The following PCSK6 variants were observed in gnomAD, a reference collection of about 807,000 sequenced individuals.
PCSK6 encodes paired basic amino acid cleaving enzyme 4.
A neutral mutation model predicts 123.3 loss-of-function variants in PCSK6; 85 were observed. That is an observed-to-expected ratio of 0.69 (90% CI 0.58 to 0.83). The LOEUF is 0.83. PCSK6 is among the 40% of genes least tolerant of loss of function. The pLI, the probability that PCSK6 is intolerant of heterozygous loss-of-function variation, is 0.00. For synonymous variants in PCSK6, 508 were observed against 516.0 expected (o/e 0.98, Z 0.21); for missense variants, 1,191 against 1,282.3 (o/e 0.93, Z 1.09).
At chr15:101,408,609 GA>G (rs2042847426) in intron 6 of PCSK6, among the ~76,000 whole-genome samples, 1 of 152,206 alleles carries the variant, frequency 6.6e-6, no homozygotes, top group African/African-American at 2.4e-5. Flanking sequence ...GAGGGACGAG[GA>G]AGTGGGGAAC....
intron 1 of PCSK6, among the ~76,000 whole-genome samples, chr15:101,480,308 A>G (rs2057842281): frequency 6.6e-6 from 1 of 152,254 alleles, no homozygotes; most frequent in Admixed American, 6.5e-5. Context: ...CCAATTCAGT[A>G]AATGGGTCCA....
At chr15:101,308,237 G>C (rs1023788489) in intron 20 of PCSK6, 1 of 152,376 alleles carries the variant, frequency 6.6e-6, no homozygotes, top group East Asian at 1.9e-4. Flanking sequence ...CACAGTGCTT[G>C]CATCAGCTGC....
intron 11 of PCSK6, among the ~76,000 whole-genome samples, chr15:101,381,843 G>A (rs2041917266): frequency 6.6e-6 from 1 of 152,264 alleles, no homozygotes; most frequent in African/African-American, 2.4e-5. Flanking sequence ...CTGAGGAACT[G>A]ATCCCCTATC....
chr15:101,394,480 G>T (rs2042342484), intron 7 of PCSK6, among the ~76,000 whole-genome samples: 1 of 152,166 alleles, frequency 6.6e-6, no homozygotes, highest in Non-Finnish European at 1.5e-5. Flanking sequence ...AGTCCAGATG[G>T]CTGGATGGGC....
chr15:101,369,740 A>G (rs1243728017), intron 12 of PCSK6, among the ~76,000 whole-genome samples: 1 of 127,672 alleles, frequency 7.8e-6, no homozygotes, highest in Non-Finnish European at 1.6e-5. Context: ...AAATGACTCC[A>G]TAGCCTCCCA....
chr15:101,485,308 A>ATCTTTTTTTCTTTTT (rs1481448205), intron 1 of PCSK6, among the ~76,000 whole-genome samples: 4 of 151,824 alleles, frequency 2.6e-5, no homozygotes, highest in Admixed American at 2.6e-4. Context: ...TTTCTTAGTG[A>ATCTTTTTTTCTTTTT]TTTATAGTTT....
Position 101,351,852 on chromosome 15 carries a change from A to G in PCSK6, c.1858+14344T>C, listed in dbSNP as rs184326301. ...AACAGAAGACTCAATTCAACTGAAC[A>G]TGTAAACAGGGCAGAGTGGGGACAG... On this transcript the variant is annotated intron_variant, in intron 13 of 21. Coordinates refer to ENST00000611716, the MANE Select transcript of PCSK6 (RefSeq NM_002570.5). Among the ~76,000 whole-genome samples, 396 of 152,304 alleles carry G rather than the reference A, an allele frequency of 2.6e-3. 5 individuals carry two copies. The highest frequency in any genetic ancestry group is 8.8e-3 in the African/African-American group (367 of 41,570).
chr15:101,363,846 G>T (rs1438725079), intron 13 of PCSK6, among the ~76,000 whole-genome samples: 1 of 150,988 alleles, frequency 6.6e-6, no homozygotes, highest in African/African-American at 2.4e-5. Context: ...CACCGTGTTA[G>T]CCAGGATGGT....
chr15:101,346,662 C>T, intron 13 of PCSK6: 1 of 885,514 alleles, frequency 1.1e-6, no homozygotes, highest in Non-Finnish European at 1.5e-6. Flanking sequence ...GTACCTCATT[C>T]CTAAAACTGA....
chr15:101,475,652 A>ATTTTT (rs35792381), intron 1 of PCSK6, among the ~76,000 whole-genome samples: 2 of 122,694 alleles, frequency 1.6e-5, no homozygotes, highest in Non-Finnish European at 3.3e-5. Context: ...CACTTGGCTA[A>ATTTTT]TTTTTTTTTT....
At chr15:101,311,182 C>A (rs1437097760) in intron 20 of PCSK6, among the ~76,000 whole-genome samples, 2 of 151,966 alleles carry the variant, frequency 1.3e-5, no homozygotes, top group African/African-American at 4.8e-5. Flanking sequence ...GCGATCATAG[C>A]TCACTGCAAC....
chr15:101,349,581 C>G (rs1320037301), intron 13 of PCSK6, among the ~76,000 whole-genome samples: 1 of 152,206 alleles, frequency 6.6e-6, no homozygotes. Context: ...AAAACACACA[C>G]TTGCAGTGGC....
intron 6 of PCSK6, among the ~76,000 whole-genome samples, chr15:101,410,268 C>CTT (rs1007798627): frequency 1.3e-5 from 2 of 152,130 alleles, no homozygotes; most frequent in African/African-American, 4.8e-5. Context: ...GCAGGAAGGG[C>CTT]TTGCCATGAA....
At chr15:101,362,892 T>C (rs1017588341) in intron 13 of PCSK6, among the ~76,000 whole-genome samples, 1 of 152,178 alleles carries the variant, frequency 6.6e-6, no homozygotes, top group Non-Finnish European at 1.5e-5. Flanking sequence ...GTTAGAACCA[T>C]AGACCCTGGC....
intron 1 of PCSK6, among the ~76,000 whole-genome samples, chr15:101,488,729 G>A (rs1182155846): frequency 6.6e-6 from 1 of 151,958 alleles, no homozygotes; most frequent in Admixed American, 6.5e-5. Flanking sequence ...TTTAAACCCA[G>A]GACCCCCGGC....
In PCSK6 at chr15:101,325,050, T is replaced by C. The variant is rs759048315; in HGVS notation, c.2181-4A>G. The stretch of plus-strand genomic sequence containing the variant: ...GGGGCACACACTCACGCACTTCCTG[T>C]AGGAGCAAAGGCAGGAGGGTGAGGG... On this transcript the variant is annotated splice_region_variant and splice_polypyrimidine_tract_variant and intron_variant, in intron 16 of 21. Coordinates refer to ENST00000611716, the MANE Select transcript of PCSK6 (RefSeq NM_002570.5). 8.0e-5 allele frequency: 128 copies of C among 1,600,486 alleles called. No individual in the cohort carries two copies. The highest frequency in any genetic ancestry group is 3.3e-4 in the Middle Eastern group (2 of 6,010).
intron 2 of PCSK6, among the ~76,000 whole-genome samples, chr15:101,443,053 G>A (rs1202719438): frequency 6.6e-6 from 1 of 152,178 alleles, no homozygotes; most frequent in Non-Finnish European, 1.5e-5. Flanking sequence ...ATGCAGAAAG[G>A]AAGTATAATT....
At chr15:101,417,637 A>G (rs1379529676) in intron 6 of PCSK6, among the ~76,000 whole-genome samples, 1 of 152,218 alleles carries the variant, frequency 6.6e-6, no homozygotes, top group Non-Finnish European at 1.5e-5. Context: ...TGATGAAAGG[A>G]GAATGTATGA....
intron 1 of PCSK6, among the ~76,000 whole-genome samples, chr15:101,473,667 C>G (rs1015235365): frequency 6.6e-6 from 1 of 152,140 alleles, no homozygotes; most frequent in South Asian, 2.1e-4. Context: ...CACCTGAGGT[C>G]AGGAGTTCAA....
Sources: allele counts gnomAD v4.1 joint callset (sites outside exome capture counted in the v4.1 genomes callset), GRCh38; gene constraint gnomAD v4.1.1; transcripts MANE v1.5; gene names NCBI Gene and HGNC (gene_info 2026-07-23, HGNC 2026-07-21).